Variants in PLXNC1 observed in about 807,000 individuals in gnomAD.
PLXNC1 encodes the protein plexin C1, also known as plexin-C1.
A neutral mutation model predicts 178.2 loss-of-function variants in PLXNC1; 75 were observed. The observed-to-expected ratio is 0.42, with a 90% CI of 0.35 to 0.51. The LOEUF (loss-of-function observed/expected upper bound fraction) is 0.51. Ranked by LOEUF, PLXNC1 falls within the 20% of genes least tolerant of loss-of-function variation. The pLI is 0.02. For missense variants in PLXNC1, 1,503 were observed against 1,984.4 expected, an observed-to-expected ratio of 0.76 and a Z score of 4.61; for synonymous variants, 790 against 779.9, an observed-to-expected ratio of 1.01 and a Z score of -0.22.
At chr12:94,257,874 A>C (rs1018946927) in intron 17 of PLXNC1, among the ~76,000 whole-genome samples, 6 of 151,600 alleles carry the variant, frequency 4.0e-5, no homozygotes, top group Non-Finnish European at 7.4e-5. Context: ...GCCACACTGC[A>C]CTCCAGCCTG....
In PLXNC1 at chr12:94,226,611, A is replaced by G; in HGVS notation, c.1797A>G (p.Pro599=). 1 of 1,611,660 alleles carries G rather than the reference A, an allele frequency of 6.2e-7. No individual in the cohort carries two copies. The highest frequency in any genetic ancestry group is 8.5e-7 in the Non-Finnish European group (1 of 1,177,942). ...FTNCSSLKEC[P]ACVETGCAWC... is the part of the protein sequence containing the mutation. The stretch of plus-strand genomic sequence containing the variant: ...CAGTTTTCTGTGTTGCTAGATGCCC[A>G]GCATGCGTAGAAACTGGCTGCGCGT... The change falls in exon 8 of 31, where the codon CCA becomes CCG. Residue 599 remains proline (P), a synonymous_variant. Coordinates refer to ENST00000258526, the MANE Select transcript of PLXNC1 (RefSeq NM_005761.3).
At chr12:94,216,512 T>C (rs1592774900) in intron 5 of PLXNC1, among the ~76,000 whole-genome samples, 1 of 152,348 alleles carries the variant, frequency 6.6e-6, no homozygotes, top group East Asian at 1.9e-4. Context: ...TAATAAGCTA[T>C]GCTAACACCC....
At chr12:94,229,288 T>C (rs925610571) in intron 9 of PLXNC1, among the ~76,000 whole-genome samples, 3 of 152,226 alleles carry the variant, frequency 2.0e-5, no homozygotes, top group African/African-American at 7.2e-5. Flanking sequence ...GAGTTCTTTA[T>C]GTATTCTGGG....
intron 28 of PLXNC1, among the ~76,000 whole-genome samples, chr12:94,301,597 A>C (rs569119276): frequency 1.8e-4 from 27 of 152,322 alleles, no homozygotes; most frequent in African/African-American, 6.5e-4. Context: ...AAACTTCGAA[A>C]GAGATGTTTT....
chr12:94,186,235 C>A lies in PLXNC1; in HGVS notation c.1339-138C>A, dbSNP rs1275029998. The A allele has an allele frequency of 4.8e-6, 3 of 623,058 alleles. No homozygotes were observed. In the Admixed American group the frequency reaches 7.1e-5, roughly 15 times the overall value. The allele number at this position is 623,058 out of a possible 1,614,324, so 38.6% of individuals were successfully genotyped here. A position where few individuals can be genotyped will look rare whatever the true frequency, so the allele number is the denominator to read the frequency against. The stretch of plus-strand genomic sequence containing the variant: ...ACTTCATGTCCTAGATCTTGAGACC[C>A]ACTGCCCAGTGCCAGTATGGAGGTG... On this transcript the variant is annotated intron_variant, in intron 3 of 30. Coordinates refer to ENST00000258526, the MANE Select transcript of PLXNC1 (RefSeq NM_005761.3).
At chr12:94,169,886 C>T (rs1370663558) in intron 2 of PLXNC1, among the ~76,000 whole-genome samples, 2 of 152,094 alleles carry the variant, frequency 1.3e-5, no homozygotes, top group African/African-American at 2.4e-5. Flanking sequence ...GGACACACCC[C>T]GGTCAAGTGC....
rs150407134 is a variant in PLXNC1, at chr12:94,173,045, T to C, written c.1203+3752T>C. Among the ~76,000 whole-genome samples, 99 of 152,314 alleles carry C rather than the reference T, an allele frequency of 6.5e-4. No homozygotes were observed. The East Asian group carries it at 0.013, about 20-fold the overall frequency. On this transcript the variant is annotated intron_variant, in intron 2 of 30. Transcript: ENST00000258526. ...CCATGGTCGTGAGGTGAGTTATGTCTAGTCACCCCCGCAGTTATTTCCCCA... is the reference window on the plus strand; with the variant it reads ...CCATGGTCGTGAGGTGAGTTATGTCCAGTCACCCCCGCAGTTATTTCCCCA...
intron 7 of PLXNC1, among the ~76,000 whole-genome samples, chr12:94,224,605 G>A (rs957412323): frequency 6.6e-6 from 1 of 152,142 alleles, no homozygotes; most frequent in Admixed American, 6.5e-5. Context: ...CTTGAAGTAA[G>A]TAAAGAAGAA....
At chr12:94,215,882 A>C (rs1963632390) in intron 5 of PLXNC1, among the ~76,000 whole-genome samples, 1 of 152,208 alleles carries the variant, frequency 6.6e-6, no homozygotes, top group African/African-American at 2.4e-5. Context: ...ATAATTTGAA[A>C]GTATGATCAT....
At chr12:94,265,624 T>A (rs1965191747) in intron 21 of PLXNC1, among the ~76,000 whole-genome samples, 1 of 152,228 alleles carries the variant, frequency 6.6e-6, no homozygotes, top group African/African-American at 2.4e-5. Flanking sequence ...TGAGGCCGTC[T>A]TATTTTAGAA....
At chr12:94,290,522 A>G (rs1025337719) in intron 23 of PLXNC1, among the ~76,000 whole-genome samples, 2 of 151,896 alleles carry the variant, frequency 1.3e-5, no homozygotes, top group Non-Finnish European at 2.9e-5. Flanking sequence ...TGCTGCCCCC[A>G]CCCCACCACC....
chr12:94,236,838 A>G (rs900378216), intron 9 of PLXNC1, among the ~76,000 whole-genome samples: 2 of 152,226 alleles, frequency 1.3e-5, no homozygotes, highest in Non-Finnish European at 2.9e-5. Context: ...CATCTGTAAC[A>G]TAAAAGTGAA....
At position 94,301,577 on chromosome 12, in the gene PLXNC1, A is replaced by C. The variant is rs112187100; in HGVS notation, c.4386+520A>C. On this transcript the variant is annotated intron_variant, in intron 28 of 30. Transcript: ENST00000258526. ...GTCCCAAGAACTCAAAGAAAGACAA[A>C]AATCAGAGCAAACTTCGAAAGAGAT... Among the ~76,000 whole-genome samples, 981 of 152,300 alleles carry C rather than the reference A, an allele frequency of 6.4e-3. 15 individuals carry two copies. The highest frequency in any genetic ancestry group is 0.023 in the African/African-American group (937 of 41,554).
At chr12:94,247,855 T>C in intron 12 of PLXNC1, 48 bp from the exon 13 acceptor site, 1 of 1,548,290 alleles carries the variant, frequency 6.5e-7, no homozygotes, top group Non-Finnish European at 8.9e-7. Flanking sequence ...AGATCACAGC[T>C]GGGATTCGTT....
chr12:94,250,528 G>A (rs183513193), intron 14 of PLXNC1, among the ~76,000 whole-genome samples: 4 of 152,254 alleles, frequency 2.6e-5, no homozygotes, highest in East Asian at 3.9e-4. Flanking sequence ...ATGCCTCCAC[G>A]GGGGCAGCAT....
chr12:94,148,930 T>C lies in PLXNC1; in HGVS notation c.-42T>C. On this transcript the variant is annotated 5_prime_UTR_variant, in exon 1 of 31. Coordinates refer to ENST00000258526, the MANE Select transcript of PLXNC1 (RefSeq NM_005761.3). This position sits in a 1 kb window ranked among gnomAD's most constrained non-coding sequence, Gnocchi z 4.8. Reference sequence around the variant, plus strand: ...CCGTTGCCGCGCGCCTGAGCCGCCGTCGCCGCCGCGCGCCCTGCCCGGGGG... The same window carrying C: ...CCGTTGCCGCGCGCCTGAGCCGCCGCCGCCGCCGCGCGCCCTGCCCGGGGG... 1 of 820,862 alleles carries C rather than the reference T, an allele frequency of 1.2e-6. No homozygotes were observed. Among genetic ancestry groups the C allele is most frequent in the Non-Finnish European group, 1.6e-6 (1 of 634,902 alleles). The allele number at this position is 820,862 out of a possible 1,614,324, so 50.8% of individuals were successfully genotyped here. A position where few individuals can be genotyped will look rare whatever the true frequency, so the allele number is the denominator to read the frequency against.
At chr12:94,161,037 A>G (rs11107420) in intron 1 of PLXNC1, among the ~76,000 whole-genome samples, 132,972 of 152,182 alleles carry the variant, frequency 0.87, 58,181 homozygotes, top group East Asian at 0.97. Context: ...GCCTGAATCC[A>G]TGATTAAAGG....
At chr12:94,154,004 A>G (rs1372527360) in intron 1 of PLXNC1, among the ~76,000 whole-genome samples, 3 of 152,186 alleles carry the variant, frequency 2.0e-5, no homozygotes, top group Non-Finnish European at 4.4e-5. Context: ...TATAGACTAG[A>G]TGGTGATTTT....
chr12:94,284,458 C>T (rs551140679), intron 23 of PLXNC1, among the ~76,000 whole-genome samples: 1 of 152,236 alleles, frequency 6.6e-6, no homozygotes, highest in Non-Finnish European at 1.5e-5. Context: ...TCTGCTTCAC[C>T]GTCTTATAAC....
Sources: gnomAD v4.1 joint callset for allele counts (sites outside exome capture counted in the v4.1 genomes callset) on GRCh38, gnomAD v4.1.1 for gene constraint, Gnocchi (gnomAD v3.1) non-coding constraint, MANE v1.5 for transcripts, NCBI Gene and HGNC (gene_info 2026-07-23, HGNC 2026-07-21) for gene names.